Variants in SVOP observed in about 807,000 individuals in gnomAD.
The protein encoded by SVOP is SV2 related protein, also known as synaptic vesicle 2-related protein.
A neutral mutation model predicts 69.1 loss-of-function variants in SVOP; 17 were observed. The ratio of observed to expected loss-of-function variants is 0.25; its 90% CI spans 0.17 to 0.37. SVOP has a LOEUF of 0.37. Ranked by LOEUF, SVOP falls within the 10% of genes least tolerant of loss-of-function variation. The pLI is 1.00. For synonymous variants in SVOP, 238 were observed against 238.6 expected (o/e 1.00, Z 0.02); for missense variants, 435 against 597.5 (o/e 0.73, Z 2.84).
intron 10 of SVOP, 72 bp downstream of exon 10, chr12:108,937,192 G>T: frequency 1.3e-6 from 2 of 1,484,804 alleles, no homozygotes; most frequent in Non-Finnish European, 1.9e-6. Flanking sequence ...TCTGTCCATT[G>T]CATTAAAACA....
At chr12:108,967,962 T>C (rs1285402519) in intron 5 of SVOP, among the ~76,000 whole-genome samples, 1 of 152,214 alleles carries the variant, frequency 6.6e-6, no homozygotes, top group Non-Finnish European at 1.5e-5. Context: ...AAGATGTCTA[T>C]ATGGGAACGC....
At chr12:108,998,443 T>C (rs1331896476) in intron 1 of SVOP, among the ~76,000 whole-genome samples, 4 of 151,802 alleles carry the variant, frequency 2.6e-5, no homozygotes, top group Non-Finnish European at 4.4e-5. Context: ...AATGTTCAGA[T>C]TCAGGAAATA....
At chr12:108,963,119 C>A (rs935991195) in intron 5 of SVOP, among the ~76,000 whole-genome samples, 1 of 152,114 alleles carries the variant, frequency 6.6e-6, no homozygotes, top group Non-Finnish European at 1.5e-5. Flanking sequence ...GCAAATTTCA[C>A]GTGCATTTTC....
In SVOP at chr12:108,987,360, T is replaced by C. The variant is rs570667239; in HGVS notation, c.36-3599A>G. Among the ~76,000 whole-genome samples, 6 of 152,348 alleles carry C rather than the reference T, an allele frequency of 3.9e-5. No homozygotes were observed. In the East Asian group the frequency reaches 9.6e-4, roughly 24 times the overall value. On this transcript the variant is annotated intron_variant, in intron 1 of 15. Coordinates refer to ENST00000610966, the MANE Select transcript of SVOP (RefSeq NM_018711.5). ...ATCCATTCATCTGTTGATGGACAGG[T>C]TGTTTCCATGTTTTGGTTATTGTGA...
intron 1 of SVOP, among the ~76,000 whole-genome samples, chr12:109,017,055 A>G (rs1033565637): frequency 9.2e-5 from 14 of 152,274 alleles, no homozygotes; most frequent in African/African-American, 2.4e-4. Context: ...GTGCTGTCCA[A>G]TAGAACTTTC....
chr12:108,994,960 G>A (rs1484061040), intron 1 of SVOP, among the ~76,000 whole-genome samples: 2 of 151,998 alleles, frequency 1.3e-5, no homozygotes, highest in Non-Finnish European at 2.9e-5. Flanking sequence ...GGGCAACATA[G>A]TAAGACCCTC....
intron 1 of SVOP, among the ~76,000 whole-genome samples, chr12:109,015,390 A>G (rs901846268): frequency 6.6e-6 from 1 of 152,210 alleles, no homozygotes; most frequent in Non-Finnish European, 1.5e-5. Flanking sequence ...CGGGAAAACC[A>G]GCACAGACAT....
intron 11 of SVOP, among the ~76,000 whole-genome samples, chr12:108,931,536 T>C (rs2039818614): frequency 6.6e-6 from 1 of 152,186 alleles, no homozygotes. Context: ...GTCTGGGCAC[T>C]GTTTAAAAGC....
At chr12:108,975,285 A>G (rs1324134858) in intron 4 of SVOP, among the ~76,000 whole-genome samples, 1 of 152,204 alleles carries the variant, frequency 6.6e-6, no homozygotes, top group Non-Finnish European at 1.5e-5. Context: ...TGCATCTGTA[A>G]TATCCTCCTT....
intron 15 of SVOP, among the ~76,000 whole-genome samples, chr12:108,915,172 CAAAA>C (rs78563087): frequency 4.4e-5 from 5 of 113,958 alleles, no homozygotes; most frequent in Admixed American, 9.5e-5. Flanking sequence ...GACTCCATCC[CAAAA>C]AAAAAAAAAA....
intron 1 of SVOP, 43 bp from the exon 2 acceptor site, chr12:108,983,804 C>T (rs1436281263): frequency 2.5e-6 from 1 of 398,746 alleles, no homozygotes; most frequent in Non-Finnish European, 4.4e-6. Flanking sequence ...TAAAGCTTCC[C>T]CCAAATGGCC....
chr12:108,953,136 C>CAT (rs2039966161), intron 6 of SVOP, among the ~76,000 whole-genome samples: 1 of 95,784 alleles, frequency 1.0e-5, no homozygotes, highest in Admixed American at 1.6e-4. Context: ...ATCTAATTGA[C>CAT]TTTTTTTTTT....
chr12:108,957,704 A>C (rs1335536474), intron 6 of SVOP, among the ~76,000 whole-genome samples: 1 of 152,246 alleles, frequency 6.6e-6, no homozygotes, highest in Non-Finnish European at 1.5e-5. Flanking sequence ...CGCAGCAGCT[A>C]TGGCCTAAAA....
chr12:108,915,647 G>A, intron 15 of SVOP, 136 bp downstream of exon 15: 1 of 850,672 alleles, frequency 1.2e-6, no homozygotes, highest in Middle Eastern at 2.3e-4. Flanking sequence ...TATTTCTTCT[G>A]TCCTCGGGTG....
intron 1 of SVOP, among the ~76,000 whole-genome samples, chr12:108,984,629 G>A (rs1354683406): frequency 6.6e-6 from 1 of 152,188 alleles, no homozygotes; most frequent in African/African-American, 2.4e-5. Flanking sequence ...GAGACCCCAT[G>A]GGCCCCACTC....
intron 15 of SVOP, among the ~76,000 whole-genome samples, chr12:108,914,862 T>C (rs2039703919): frequency 6.6e-6 from 1 of 151,052 alleles, no homozygotes; most frequent in African/African-American, 2.4e-5. Flanking sequence ...CTGACCCTTC[T>C]TTCCTTTTGT....
chr12:108,945,329 C>T (rs1400923473), intron 6 of SVOP, among the ~76,000 whole-genome samples, 163 bp from the exon 7 acceptor site: 1 of 152,160 alleles, frequency 6.6e-6, no homozygotes, highest in Non-Finnish European at 1.5e-5. Context: ...AGATCTCTAG[C>T]TCCCTCCCTT....
rs149551880 is a variant in SVOP at position 108,970,058 on chromosome 12, C to G, written c.453+2347G>C. On this transcript the variant is annotated intron_variant, in intron 5 of 15. Transcript: ENST00000610966. ...ACATTCTTGGCAATTATATTGATCA[C>G]CATTTCTTGGCAGTTATATTGATCA... Among the ~76,000 whole-genome samples the G allele has an allele frequency of 4.5e-4, 69 of 152,332 alleles. 1 individual carries two copies. Among genetic ancestry groups the G allele is most frequent in the African/African-American group, 1.6e-3 (67 of 41,574 alleles).
At chr12:108,952,853 G>A (rs903101708) in intron 6 of SVOP, among the ~76,000 whole-genome samples, 1 of 152,028 alleles carries the variant, frequency 6.6e-6, no homozygotes, top group Non-Finnish European at 1.5e-5. Context: ...AGCGAAATCC[G>A]GTTTCAAAAA....
Sources: gnomAD v4.1 joint callset for allele counts (sites outside exome capture counted in the v4.1 genomes callset) on GRCh38, gnomAD v4.1.1 for gene constraint, MANE v1.5 for transcripts, NCBI Gene and HGNC (gene_info 2026-07-23, HGNC 2026-07-21) for gene names.